Variants in ENTREP2 observed in about 807,000 individuals in gnomAD.
The protein encoded by ENTREP2 is endosomal transmembrane epsin interactor 2.
chr15:29,557,106 G>T, the ENTREP2 span, among the ~76,000 whole-genome samples: 1 of 152,270 alleles, frequency 6.6e-6, no homozygotes, highest in Non-Finnish European at 1.5e-5. Flanking sequence ...AAACACTGCC[G>T]GTCATGTGTC....
chr15:29,633,497 G>C, the ENTREP2 span, among the ~76,000 whole-genome samples: 41 of 152,188 alleles, frequency 2.7e-4, no homozygotes, highest in East Asian at 6.8e-3. Flanking sequence ...GTATGACATG[G>C]AGTGGAGCCT....
the ENTREP2 span, among the ~76,000 whole-genome samples, chr15:29,188,842 G>A: frequency 5.6e-4 from 86 of 152,280 alleles, no homozygotes; most frequent in African/African-American, 2.0e-3. Flanking sequence ...GTTAAAAATC[G>A]ATCCTGCCTA....
At chr15:29,479,852 T>C in the ENTREP2 span, among the ~76,000 whole-genome samples, 2 of 152,110 alleles carry the variant, frequency 1.3e-5, no homozygotes, top group East Asian at 3.9e-4. Context: ...TCTGGAATTG[T>C]AGCAGCTGCT....
At chr15:29,270,829 T>C in the ENTREP2 span, among the ~76,000 whole-genome samples, 1 of 152,234 alleles carries the variant, frequency 6.6e-6, no homozygotes, top group East Asian at 1.9e-4. Flanking sequence ...TTCTTCTCTA[T>C]TTACTTGCAA....
At chr15:29,496,082 T>C in the ENTREP2 span, among the ~76,000 whole-genome samples, 1 of 152,074 alleles carries the variant, frequency 6.6e-6, no homozygotes, top group Non-Finnish European at 1.5e-5. Context: ...ATTTCTTTTA[T>C]CAATGTTTCA....
chr15:29,458,619 G>C, the ENTREP2 span, among the ~76,000 whole-genome samples: 1 of 152,136 alleles, frequency 6.6e-6, no homozygotes, highest in Non-Finnish European at 1.5e-5. Context: ...GATAAGCCAA[G>C]GTCATGGTCA....
At chr15:29,383,070 A>G in the ENTREP2 span, among the ~76,000 whole-genome samples, 2 of 151,306 alleles carry the variant, frequency 1.3e-5, no homozygotes, top group South Asian at 4.2e-4. Flanking sequence ...CCTCTCCCCA[A>G]CCTCTTCCTG....
the ENTREP2 span, among the ~76,000 whole-genome samples, chr15:29,284,148 A>G: frequency 6.6e-6 from 1 of 152,228 alleles, no homozygotes; most frequent in Non-Finnish European, 1.5e-5. Context: ...CTTAAGATTG[A>G]AAGGGTTCTG....
At chr15:29,519,534 A>G in the ENTREP2 span, among the ~76,000 whole-genome samples, 1 of 152,138 alleles carries the variant, frequency 6.6e-6, no homozygotes, top group East Asian at 1.9e-4. Flanking sequence ...CTTCCTTATG[A>G]TTTTCCTATT....
the ENTREP2 span, among the ~76,000 whole-genome samples, chr15:29,225,810 C>T: frequency 1.3e-5 from 2 of 152,326 alleles, no homozygotes; most frequent in African/African-American, 4.8e-5. Context: ...AATGAGCCTC[C>T]GGGCCTTGTC....
chr15:29,446,363 T>A, the ENTREP2 span, among the ~76,000 whole-genome samples: 3 of 152,146 alleles, frequency 2.0e-5, no homozygotes, highest in East Asian at 5.8e-4. Context: ...AGGGGGGAAG[T>A]CTGCTAGGTG....
At chr15:29,163,343 G>T in the ENTREP2 span, among the ~76,000 whole-genome samples, 5 of 152,132 alleles carry the variant, frequency 3.3e-5, no homozygotes, top group Non-Finnish European at 7.3e-5. Context: ...AAGAATTCAG[G>T]AGGTTAGTTA....
the ENTREP2 span, among the ~76,000 whole-genome samples, chr15:29,653,422 C>G: frequency 6.6e-6 from 1 of 152,148 alleles, no homozygotes; most frequent in African/African-American, 2.4e-5. Flanking sequence ...GTGTCCCACC[C>G]AAAATTTCAT....
chr15:29,256,524 C>T, the ENTREP2 span, among the ~76,000 whole-genome samples: 38 of 152,112 alleles, frequency 2.5e-4, no homozygotes, highest in African/African-American at 8.7e-4. Flanking sequence ...ATACAACTGC[C>T]GAAAAAAATG....
At chr15:29,231,471 TTAAG>T in the ENTREP2 span, among the ~76,000 whole-genome samples, 35 of 152,328 alleles carry the variant, frequency 2.3e-4, no homozygotes, top group South Asian at 1.0e-3. Context: ...CATATGTAAA[TTAAG>T]TATCAACTTA....
the ENTREP2 span, among the ~76,000 whole-genome samples, chr15:29,633,768 C>T: frequency 5.5e-5 from 8 of 146,108 alleles, no homozygotes; most frequent in African/African-American, 1.9e-4. Flanking sequence ...CAACACCAGC[C>T]TGGCCAAAAT....
the ENTREP2 span, among the ~76,000 whole-genome samples, chr15:29,127,428 T>C: frequency 6.6e-6 from 1 of 152,112 alleles, no homozygotes; most frequent in Admixed American, 6.5e-5. Flanking sequence ...TCCCTTTCTG[T>C]TTTTCCCTGC....
chr15:29,489,183 C>A, the ENTREP2 span, among the ~76,000 whole-genome samples: 1 of 152,086 alleles, frequency 6.6e-6, no homozygotes, highest in Non-Finnish European at 1.5e-5. Context: ...GATCAAAGTT[C>A]TGAATCACAG....
the ENTREP2 span, among the ~76,000 whole-genome samples, chr15:29,273,541 G>C: frequency 6.6e-6 from 1 of 152,256 alleles, no homozygotes; most frequent in East Asian, 1.9e-4. Flanking sequence ...TTAATGTGGA[G>C]TGTCAACTTG....
Sources: gnomAD v4.1 joint callset for allele counts (sites outside exome capture counted in the v4.1 genomes callset) on GRCh38, gnomAD v4.1.1 for gene constraint, MANE v1.5 for transcripts, NCBI Gene and HGNC (gene_info 2026-07-23, HGNC 2026-07-21) for gene names.